FNDC3B: variants seen among roughly 807,000 people sequenced by gnomAD.
FNDC3B encodes the protein fibronectin type III domain containing 3B.
A neutral mutation model predicts 151.5 loss-of-function variants in FNDC3B; 12 were observed. That is an observed-to-expected ratio of 0.08 (90% CI 0.05 to 0.13). The LOEUF is 0.13. Among genes scored for constraint, FNDC3B ranks in the 10% least tolerant of loss-of-function variants. The probability of loss-of-function intolerance (pLI) is 1.00; values close to 1 mark genes in which losing one functional copy is unlikely to be tolerated. For synonymous variants in FNDC3B, 528 were observed against 549.0 expected, an observed-to-expected ratio of 0.96 and a Z score of 0.54; for missense variants, 1,214 against 1,505.3, an observed-to-expected ratio of 0.81 and a Z score of 3.20.
chr3:172,110,946 A>G (rs954010300), intron 1 of FNDC3B, among the ~76,000 whole-genome samples: 1 of 152,046 alleles, frequency 6.6e-6, no homozygotes, highest in Non-Finnish European at 1.5e-5. Context: ...TAAAAATATG[A>G]AAATTAGGCG....
Position 172,171,038 on chromosome 3 carries a change from A to G in FNDC3B, c.187+37492A>G, listed in dbSNP as rs541687304. 2.6e-5 allele frequency among the ~76,000 whole-genome samples: 4 copies of G among 152,338 alleles called. No homozygotes were observed. In the South Asian group the frequency reaches 8.3e-4, roughly 32 times the overall value. ...GCATGAAGATATGTGGCTGAGACCT[A>G]TATACAAAGGCCTTCTGTGCAGGGT... On this transcript the variant is annotated intron_variant, in intron 3 of 25. Coordinates refer to ENST00000415807, the MANE Select transcript of FNDC3B (RefSeq NM_022763.4).
intron 2 of FNDC3B, 81 bp downstream of exon 2, chr3:172,112,671 C>T (rs1720036450): frequency 8.0e-6 from 8 of 999,404 alleles, no homozygotes; most frequent in South Asian, 7.8e-5. Context: ...TTTTGGGATT[C>T]AAAGGTTTGT....
chr3:172,191,168 C>T (rs571222976), intron 3 of FNDC3B, among the ~76,000 whole-genome samples: 13 of 152,176 alleles, frequency 8.5e-5, no homozygotes, highest in Non-Finnish European at 1.8e-4. Flanking sequence ...TTGCACAGCA[C>T]ACAGCTATTG....
At chr3:172,088,902 A>G (rs1718679728) in intron 1 of FNDC3B, among the ~76,000 whole-genome samples, 1 of 152,224 alleles carries the variant, frequency 6.6e-6, no homozygotes, top group African/African-American at 2.4e-5. Flanking sequence ...TAACAATAGT[A>G]ATATTTTTAC....
chr3:172,328,691 C>CA (rs1388913993), intron 11 of FNDC3B, among the ~76,000 whole-genome samples: 2 of 151,738 alleles, frequency 1.3e-5, no homozygotes, highest in East Asian at 1.9e-4. Flanking sequence ...TTTTATTAAC[C>CA]AAAAAAACCA....
chr3:172,352,281 C>T lies in FNDC3B; in HGVS notation c.2515-522C>T, dbSNP rs774342269. Among the ~76,000 whole-genome samples the T allele has an allele frequency of 9.9e-5, 15 of 152,122 alleles. No homozygotes were observed. The highest frequency in any genetic ancestry group is 4.4e-5 in the Non-Finnish European group (3 of 68,024). ...TTGGGTAAAATCAGATAAGCGCTGACGATTGACTTCAGGGATGAGTTTATT... is the reference window on the plus strand; with the variant it reads ...TTGGGTAAAATCAGATAAGCGCTGATGATTGACTTCAGGGATGAGTTTATT... On this transcript the variant is annotated intron_variant, in intron 21 of 25. Coordinates refer to ENST00000415807, the MANE Select transcript of FNDC3B (RefSeq NM_022763.4). This position sits in a 1 kb window ranked among gnomAD's most constrained non-coding sequence, Gnocchi z 4.2.
chr3:172,219,116 A>G (rs1312786953), intron 3 of FNDC3B, among the ~76,000 whole-genome samples: 3 of 152,188 alleles, frequency 2.0e-5, no homozygotes, highest in Non-Finnish European at 2.9e-5. Flanking sequence ...TGAGACTTCT[A>G]CTATATCCTA....
chr3:172,063,937 A>T (rs1185065632), intron 1 of FNDC3B, among the ~76,000 whole-genome samples: 1 of 152,142 alleles, frequency 6.6e-6, no homozygotes, highest in Non-Finnish European at 1.5e-5. Flanking sequence ...GGAGACAGTT[A>T]CATCATGAGG....
chr3:172,213,674 C>T (rs574415709), intron 3 of FNDC3B, among the ~76,000 whole-genome samples: 11 of 152,260 alleles, frequency 7.2e-5, no homozygotes, highest in African/African-American at 2.6e-4. Flanking sequence ...GGTAATTTTG[C>T]CTTCTCCCCA....
chr3:172,122,799 G>T (rs1720616428), intron 2 of FNDC3B, among the ~76,000 whole-genome samples: 1 of 152,196 alleles, frequency 6.6e-6, no homozygotes, highest in Non-Finnish European at 1.5e-5. Flanking sequence ...ACCCTTCCAA[G>T]GGCTTCTGCT....
At chr3:172,165,399 G>C (rs1722958908) in intron 3 of FNDC3B, among the ~76,000 whole-genome samples, 1 of 152,190 alleles carries the variant, frequency 6.6e-6, no homozygotes, top group Non-Finnish European at 1.5e-5. Context: ...TGGAGAGGGA[G>C]TAGTTTCAAG....
chr3:172,121,123 C>G (rs192252323), intron 2 of FNDC3B, among the ~76,000 whole-genome samples: 1 of 152,264 alleles, frequency 6.6e-6, no homozygotes, highest in Non-Finnish European at 1.5e-5. Flanking sequence ...TCCGAGCCTG[C>G]CTGAACTCTG....
In FNDC3B at chr3:172,325,252, G is replaced by A. The variant is rs9837505; in HGVS notation, c.1255-3700G>A. Among the ~76,000 whole-genome samples the A allele has an allele frequency of 7.7e-3, 1,170 of 152,308 alleles. 20 individuals carry two copies. Among genetic ancestry groups the A allele is most frequent in the African/African-American group, 0.027 (1,109 of 41,556 alleles). ...ACTAAGTTTCCGAAGTCAAGTCAGCGTATCTCAGTAATCCTGTGTAGTCTA... is the reference window on the plus strand; with the variant it reads ...ACTAAGTTTCCGAAGTCAAGTCAGCATATCTCAGTAATCCTGTGTAGTCTA... On this transcript the variant is annotated intron_variant, in intron 11 of 25. Transcript: ENST00000415807.
chr3:172,376,564 A>G (rs1194320010), intron 23 of FNDC3B, among the ~76,000 whole-genome samples: 1 of 152,238 alleles, frequency 6.6e-6, no homozygotes, highest in Non-Finnish European at 1.5e-5. Flanking sequence ...GGCTGAGTTA[A>G]TAAATAGCTG....
In FNDC3B at chr3:172,265,940, A is replaced by T. The variant is rs145297818; in HGVS notation, c.790+14399A>T. Among the ~76,000 whole-genome samples the T allele has an allele frequency of 2.0e-5, 3 of 152,360 alleles. No homozygotes were observed. The East Asian group carries it at 5.8e-4, about 29-fold the overall frequency. ...TTTAATGCACAAGATGGGAAGAACAATAAGTTAAAAGAAAAAGATAGGGAT... is the reference window on the plus strand; with the variant it reads ...TTTAATGCACAAGATGGGAAGAACATTAAGTTAAAAGAAAAAGATAGGGAT... On this transcript the variant is annotated intron_variant, in intron 6 of 25. Coordinates refer to ENST00000415807, the MANE Select transcript of FNDC3B (RefSeq NM_022763.4).
At chr3:172,192,141 T>G (rs1724543602) in intron 3 of FNDC3B, among the ~76,000 whole-genome samples, 1 of 151,542 alleles carries the variant, frequency 6.6e-6, no homozygotes, top group Admixed American at 6.6e-5. Flanking sequence ...GTTAACCAAA[T>G]ACACAGAAGA....
intron 1 of FNDC3B, among the ~76,000 whole-genome samples, chr3:172,062,045 G>T (rs1560388651): frequency 6.6e-6 from 1 of 152,062 alleles, no homozygotes; most frequent in Non-Finnish European, 1.5e-5. Flanking sequence ...TAATCATGCT[G>T]GTGCTGAGGT....
chr3:172,352,691 G>A lies in FNDC3B; in HGVS notation c.2515-112G>A. ...CATTTTCTAGGATTTATTTCTACCT[G>A]CATATGTGGAAATGTGTACTACTTT... On this transcript the variant is annotated intron_variant, in intron 21 of 25. Transcript: ENST00000415807. This position sits in a 1 kb window ranked among gnomAD's most constrained non-coding sequence, Gnocchi z 4.2. 1 of 1,040,378 alleles carries A rather than the reference G, an allele frequency of 9.6e-7. No individual in the cohort carries two copies. The allele number at this position is 1,040,378 out of a possible 1,614,324, so 64.4% of individuals were successfully genotyped here.
chr3:172,079,978 T>C (rs1037969631), intron 1 of FNDC3B, among the ~76,000 whole-genome samples: 3 of 152,166 alleles, frequency 2.0e-5, no homozygotes, highest in African/African-American at 4.8e-5. Context: ...AAAAAGTTTG[T>C]TAAATGCCCA....
Sources: gnomAD v4.1 joint callset for allele counts (sites outside exome capture counted in the v4.1 genomes callset) on GRCh38, gnomAD v4.1.1 for gene constraint, Gnocchi (gnomAD v3.1) non-coding constraint, MANE v1.5 for transcripts, NCBI Gene and HGNC (gene_info 2026-07-23, HGNC 2026-07-21) for gene names.